The following SPTLC1 variants were observed in gnomAD, a reference collection of about 807,000 sequenced individuals.
SPTLC1 encodes serine palmitoyltransferase long chain base subunit 1, also known as serine palmitoyltransferase 1.
A neutral mutation model predicts 68.9 loss-of-function variants in SPTLC1; 55 were observed. The observed-to-expected ratio is 0.80, with a 90% CI of 0.64 to 1.00. The LOEUF (loss-of-function observed/expected upper bound fraction) is 1.00. Ranked by LOEUF, SPTLC1 falls within the 50% of genes least tolerant of loss-of-function variation. The pLI, the probability that SPTLC1 is intolerant of heterozygous loss-of-function variation, is 0.00. For missense variants in SPTLC1, 449 were observed against 573.1 expected, an observed-to-expected ratio of 0.78 and a Z score of 2.21; for synonymous variants, 197 against 201.6, an observed-to-expected ratio of 0.98 and a Z score of 0.19.
At chr9:92,042,273 A>G (rs1283114042) in intron 12 of SPTLC1, among the ~76,000 whole-genome samples, 1 of 152,226 alleles carries the variant, frequency 6.6e-6, no homozygotes, top group African/African-American at 2.4e-5. Flanking sequence ...CTCAGACCAA[A>G]GCAATAAAAT....
At chr9:92,055,284 T>C in intron 8 of SPTLC1, 121 bp downstream of exon 8, 2 of 1,536,638 alleles carry the variant, frequency 1.3e-6, no homozygotes, top group South Asian at 1.2e-5. Flanking sequence ...GAGCAAAATA[T>C]GCTTATGAGG....
intron 2 of SPTLC1, chr9:92,109,101 G>A (rs1836124523): frequency 1.2e-5 from 4 of 333,834 alleles, no homozygotes; most frequent in South Asian, 1.1e-4. Context: ...ATAACATCTG[G>A]CCTAACCATA....
chr9:92,035,924 A>G (rs1162564306), intron 13 of SPTLC1, among the ~76,000 whole-genome samples: 1 of 152,242 alleles, frequency 6.6e-6, no homozygotes, highest in Non-Finnish European at 1.5e-5. Flanking sequence ...AAGAGACATT[A>G]TAAACAATAG....
chr9:92,067,308 A>T (rs9696921), intron 6 of SPTLC1, among the ~76,000 whole-genome samples: 2 of 151,510 alleles, frequency 1.3e-5, no homozygotes, highest in Non-Finnish European at 2.9e-5. Flanking sequence ...CACACACAAA[A>T]AAAAAAAAAA....
At chr9:92,079,896 C>A (rs1421053417) in intron 5 of SPTLC1, 120 bp downstream of exon 5, 5 of 848,000 alleles carry the variant, frequency 5.9e-6, no homozygotes, top group Non-Finnish European at 1.0e-5. Context: ...CTCAAGGAAT[C>A]CTCCCACCTC....
intron 8 of SPTLC1, among the ~76,000 whole-genome samples, chr9:92,050,710 T>G (rs182964934): frequency 7.9e-4 from 121 of 152,254 alleles, no homozygotes; most frequent in African/African-American, 2.9e-3. Context: ...ATTCCAGTGT[T>G]CATGGCAACT....
At chr9:92,044,104 C>A (rs779527091) in intron 12 of SPTLC1, among the ~76,000 whole-genome samples, 53 of 152,162 alleles carry the variant, frequency 3.5e-4, no homozygotes, top group Non-Finnish European at 5.9e-4. Flanking sequence ...GAGTAGGCAA[C>A]TGGGTGTGAG....
intron 6 of SPTLC1, among the ~76,000 whole-genome samples, chr9:92,067,291 T>A (rs945893231): frequency 7.0e-6 from 1 of 143,646 alleles, no homozygotes; most frequent in African/African-American, 2.7e-5. Context: ...AAAGTGAGAC[T>A]CCATCTCACA....
At chr9:92,071,227 T>TAAAAA (rs777594686) in intron 5 of SPTLC1, among the ~76,000 whole-genome samples, 2 of 101,210 alleles carry the variant, frequency 2.0e-5, no homozygotes, top group African/African-American at 3.9e-5. Context: ...CTATCTCTAC[T>TAAAAA]AAAAAAAAAA....
chr9:92,044,231 A>T (rs1433599987), intron 12 of SPTLC1, among the ~76,000 whole-genome samples: 1 of 152,196 alleles, frequency 6.6e-6, no homozygotes, highest in Non-Finnish European at 1.5e-5. Flanking sequence ...CAAGAAGGTA[A>T]TGAGAAGAAA....
At position 92,062,577 on chromosome 9, in the gene SPTLC1, A is replaced by G. The variant is rs147810005; in HGVS notation, c.561-3269T>C. Among the ~76,000 whole-genome samples the G allele has an allele frequency of 5.3e-5, 8 of 152,348 alleles. No individual in the cohort carries two copies. The East Asian group carries it at 1.5e-3, about 29-fold the overall frequency. On this transcript the variant is annotated intron_variant, in intron 6 of 14. Coordinates refer to ENST00000262554, the MANE Select transcript of SPTLC1 (RefSeq NM_006415.4). ...TAAGTGCCCATATAAGATATTCCAA[A>G]ATAGACTACCGTATTAGCCATAAAC...
intron 3 of SPTLC1, among the ~76,000 whole-genome samples, chr9:92,082,654 G>T (rs920762280): frequency 1.6e-4 from 24 of 152,098 alleles, no homozygotes; most frequent in Non-Finnish European, 3.4e-4. Context: ...GGACATTTGG[G>T]TTGGTTCCAA....
intron 6 of SPTLC1, among the ~76,000 whole-genome samples, chr9:92,061,686 T>A (rs146752234): frequency 1.1e-4 from 17 of 151,874 alleles, no homozygotes; most frequent in African/African-American, 4.1e-4. Context: ...TCACTGTATG[T>A]ACAGGAAATA....
intron 14 of SPTLC1, among the ~76,000 whole-genome samples, chr9:92,032,875 CAA>C (rs11355920): frequency 0.04 from 4,377 of 109,708 alleles, 108 homozygotes; most frequent in South Asian, 0.11. Context: ...GACTCTGTCT[CAA>C]AAAAAAAAAA....
rs80163497 is a variant in SPTLC1 at position 92,068,525 on chromosome 9, A to G, written c.428-427T>C. On this transcript the variant is annotated intron_variant, in intron 5 of 14. Transcript: ENST00000262554. ...GTATACTTTGCATCAAGAAGGTGACACTTACTAGAACTCCAGTAACCACTC... is the reference window on the plus strand; with the variant it reads ...GTATACTTTGCATCAAGAAGGTGACGCTTACTAGAACTCCAGTAACCACTC... Among the ~76,000 whole-genome samples, 21 of 152,356 alleles carry G rather than the reference A, an allele frequency of 1.4e-4. No individual in the cohort carries two copies. In the East Asian group the frequency reaches 4.0e-3, roughly 29 times the overall value.
rs1832992191 is a variant in SPTLC1 at position 92,032,412 on chromosome 9, T to C, written c.*53A>G. 1.9e-6 allele frequency: 3 copies of C among 1,613,710 alleles called. No individual in the cohort carries two copies. The highest frequency in any genetic ancestry group is 2.2e-5 in the East Asian group (1 of 44,880). On this transcript the variant is annotated 3_prime_UTR_variant, in exon 15 of 15. Coordinates refer to ENST00000262554, the MANE Select transcript of SPTLC1 (RefSeq NM_006415.4). Reference sequence around the variant, plus strand: ...GGCCACTCCATGGCCAGCGGGAGTCTTGAGTCCTCTCTGCGTGTTGTGTGG... The same window carrying C: ...GGCCACTCCATGGCCAGCGGGAGTCCTGAGTCCTCTCTGCGTGTTGTGTGG...
chr9:92,051,058 T>C (rs543617274), intron 8 of SPTLC1: 22 of 985,160 alleles, frequency 2.2e-5, no homozygotes, highest in African/African-American at 1.7e-5. Flanking sequence ...TTCATTACTG[T>C]AGCCCTATAA....
At chr9:92,051,362 G>A in intron 8 of SPTLC1, 1 of 683,892 alleles carries the variant, frequency 1.5e-6, no homozygotes, top group Non-Finnish European at 1.8e-6. Flanking sequence ...AGAATGTAGG[G>A]GGAAAAACCC....
chr9:92,075,022 C>T (rs1013506175), intron 5 of SPTLC1, among the ~76,000 whole-genome samples: 3 of 152,114 alleles, frequency 2.0e-5, no homozygotes, highest in Non-Finnish European at 4.4e-5. Flanking sequence ...AGGCCCTCTC[C>T]CGTGACCTGC....
Sources: gnomAD v4.1 joint callset for allele counts (sites outside exome capture counted in the v4.1 genomes callset) on GRCh38, gnomAD v4.1.1 for gene constraint, MANE v1.5 for transcripts, NCBI Gene and HGNC (gene_info 2026-07-23, HGNC 2026-07-21) for gene names.